RLN2: variants seen among roughly 807,000 people sequenced by gnomAD.
The protein encoded by RLN2 is relaxin 2.
RLN2 carries 10 observed loss-of-function variants against 7.3 expected under a neutral mutation model. The observed-to-expected ratio is 1.36, with a 90% CI of 0.84 to 2.31. The LOEUF (loss-of-function observed/expected upper bound fraction) is 2.31, where lower values mean the gene tolerates loss of function less well. Among genes scored for constraint, RLN2 ranks in the 30% most tolerant of loss-of-function variants. The probability of loss-of-function intolerance (pLI) is 0.00; values close to 1 mark genes in which losing one functional copy is unlikely to be tolerated. For missense variants in RLN2, 298 were observed against 217.6 expected (o/e 1.37, Z -2.32); for synonymous variants, 103 against 82.3 (o/e 1.25, Z -1.36).
the RLN2 span, among the ~76,000 whole-genome samples, chr9:5,331,816 TAAAC>T: frequency 2.5e-3 from 373 of 152,100 alleles, 2 homozygotes; most frequent in African/African-American, 8.7e-3. Flanking sequence ...TAAAGTATAA[TAAAC>T]AAACAAAGAA....
At chr9:5,308,497 A>G (rs910347709), upstream of RLN2, among the ~76,000 whole-genome samples, 2 of 151,974 alleles carry the variant, frequency 1.3e-5, no homozygotes, top group Non-Finnish European at 2.9e-5. Context: ...TTTTACTGTT[A>G]TGCTGGGCAT....
At chr9:5,325,345 A>G in the RLN2 span, among the ~76,000 whole-genome samples, 5 of 151,472 alleles carry the variant, frequency 3.3e-5, no homozygotes, top group Admixed American at 6.6e-5. Flanking sequence ...GAAAGGCTAG[A>G]AAAAAAAACT....
chr9:5,335,377 A>G, the RLN2 span: 2 of 1,613,580 alleles, frequency 1.2e-6, no homozygotes, highest in Non-Finnish European at 8.5e-7. Flanking sequence ...ATTCTGAAGG[A>G]TTGCTGTCTG....
the RLN2 span, among the ~76,000 whole-genome samples, chr9:5,338,064 CACTT>C: frequency 6.8e-6 from 1 of 147,962 alleles, no homozygotes. Flanking sequence ...CATTTCTTTC[CACTT>C]ACTTGTTTAA....
the RLN2 span, among the ~76,000 whole-genome samples, chr9:5,321,295 G>A: frequency 6.6e-6 from 1 of 152,042 alleles, no homozygotes; most frequent in African/African-American, 2.4e-5. Flanking sequence ...TTCCAGGTAA[G>A]ATCAAAGAAG....
chr9:5,321,425 C>T, the RLN2 span, among the ~76,000 whole-genome samples: 4 of 152,036 alleles, frequency 2.6e-5, no homozygotes, highest in African/African-American at 7.3e-5. Context: ...CCTTAATGTT[C>T]ATCATAGCAC....
the RLN2 span, among the ~76,000 whole-genome samples, chr9:5,332,249 G>A: frequency 6.6e-6 from 1 of 152,032 alleles, no homozygotes; most frequent in African/African-American, 2.4e-5. Flanking sequence ...ATGTACATAT[G>A]TTTGTATGTG....
At chr9:5,308,041 G>GT (rs112938885), upstream of RLN2, among the ~76,000 whole-genome samples, 1,193 of 148,574 alleles carry the variant, frequency 8.0e-3, 27 homozygotes, top group African/African-American at 0.027. Context: ...TTTTTTTCTA[G>GT]TTTTTTTTTT....
chr9:5,331,884 C>G, the RLN2 span, among the ~76,000 whole-genome samples: 1 of 151,930 alleles, frequency 6.6e-6, no homozygotes, highest in Non-Finnish European at 1.5e-5. Context: ...TTTGCAGTAT[C>G]TATTAATATG....
chr9:5,328,091 G>C, the RLN2 span, among the ~76,000 whole-genome samples: 1 of 151,976 alleles, frequency 6.6e-6, no homozygotes, highest in Non-Finnish European at 1.5e-5. Context: ...GGCTTCAGAA[G>C]GTTGGTAATA....
At chr9:5,304,169 C>G in intron 1 of RLN2, 1 of 473,940 alleles carries the variant, frequency 2.1e-6, no homozygotes, top group Non-Finnish European at 3.6e-6. Context: ...CGGTGAGATT[C>G]CCAGTGAGAC....
the RLN2 span, among the ~76,000 whole-genome samples, chr9:5,330,697 A>C: frequency 6.7e-6 from 1 of 150,196 alleles, no homozygotes; most frequent in Non-Finnish European, 1.5e-5. Context: ...GAGCAAACAA[A>C]TTCAAAAGCT....
chr9:5,306,565 C>A (rs1816256134), upstream of RLN2, among the ~76,000 whole-genome samples: 1 of 152,000 alleles, frequency 6.6e-6, no homozygotes, highest in Non-Finnish European at 1.5e-5. Flanking sequence ...GGATCACAGG[C>A]AAATGCAAGA....
intron 1 of RLN2, among the ~76,000 whole-genome samples, chr9:5,300,838 G>T (rs1816108196): frequency 6.6e-6 from 1 of 152,120 alleles, no homozygotes; most frequent in African/African-American, 2.4e-5. Context: ...TTCTTCCATT[G>T]CTATGATTTA....
chr9:5,325,020 T>A, the RLN2 span, among the ~76,000 whole-genome samples: 1 of 152,044 alleles, frequency 6.6e-6, no homozygotes, highest in African/African-American at 2.4e-5. Context: ...AACTTTACCC[T>A]CAAAAACCCC....
At chr9:5,328,714 C>G in the RLN2 span, among the ~76,000 whole-genome samples, 2 of 151,958 alleles carry the variant, frequency 1.3e-5, no homozygotes, top group Non-Finnish European at 1.5e-5. Flanking sequence ...GCGGATCTCT[C>G]GGCAGAAACT....
rs1464176630 is a variant in RLN2 at position 5,300,243 on chromosome 9, C to T, written c.413G>A (p.Ser138Asn). ...EFKKLIRNRQ[S>N]EAADSSPSEL... The stretch of plus-strand genomic sequence containing the variant: ...TGAAGGACTGCTGTCTGCGGCTTCA[C>T]TTTGTCTATTGCGAATAAGTTTCTT... Residue 138 changes from serine (S) to asparagine (N), a missense_variant, in exon 2 of 2, where the codon AGT (serine) becomes AAT (asparagine). Coordinates refer to ENST00000381627, the MANE Select transcript of RLN2 (RefSeq NM_134441.3). 6.2e-7 allele frequency: 1 copy of T among 1,613,956 alleles called. No individual in the cohort carries two copies. Among genetic ancestry groups the T allele is most frequent in the African/African-American group, 1.3e-5 (1 of 74,940 alleles).
chr9:5,300,139 G>T lies in RLN2; in HGVS notation c.517C>A (p.His173Asn). 6.2e-7 allele frequency: 1 copy of T among 1,604,878 alleles called. No individual in the cohort carries two copies. Among genetic ancestry groups the T allele is most frequent in the Non-Finnish European group, 8.5e-7 (1 of 1,177,506 alleles). ...AGAGATCTTTTGGTACAACCAACAT[G>T]GCAACATTTATTAGCCAATGCACTG... ...LYSALANKCCHVGCTKRSLAR... is the reference protein window; with the variant it reads ...LYSALANKCCNVGCTKRSLAR... The change falls in exon 2 of 2, where the codon CAT becomes AAT. Residue 173 changes from histidine to asparagine, a missense_variant. Physicochemically the swap from His to Asn is moderately conservative, Grantham distance 68. Coordinates refer to ENST00000381627, the MANE Select transcript of RLN2 (RefSeq NM_134441.3).
At chr9:5,319,492 G>A in the RLN2 span, among the ~76,000 whole-genome samples, 5 of 151,962 alleles carry the variant, frequency 3.3e-5, no homozygotes, top group South Asian at 4.2e-4. Flanking sequence ...TCAAATATCA[G>A]ATGCTATAAA....
Sources: gnomAD v4.1 joint callset for allele counts (sites outside exome capture counted in the v4.1 genomes callset) on GRCh38, gnomAD v4.1.1 for gene constraint, MANE v1.5 for transcripts, NCBI Gene and HGNC (gene_info 2026-07-23, HGNC 2026-07-21) for gene names.